DNAI4: variants seen among roughly 807,000 people sequenced by gnomAD.
DNAI4 encodes WD repeat domain 78.
In DNAI4, 85 loss-of-function variants were observed where a neutral mutation model predicts 105.8. The ratio of observed to expected loss-of-function variants is 0.80; its 90% CI spans 0.67 to 0.96. DNAI4 has a LOEUF of 0.96. Ranked by LOEUF, DNAI4 falls within the 40% of genes least tolerant of loss-of-function variation. The pLI is 0.00. For synonymous variants in DNAI4, 352 were observed against 331.5 expected, an observed-to-expected ratio of 1.06 and a Z score of -0.67; for missense variants, 1,014 against 1,005.6, an observed-to-expected ratio of 1.01 and a Z score of -0.11.
intron 16 of DNAI4, among the ~76,000 whole-genome samples, chr1:66,820,895 C>A (rs148954244): frequency 0.022 from 3,331 of 152,146 alleles, 53 homozygotes; most frequent in Middle Eastern, 0.034. Context: ...TCTAATCAAT[C>A]ATCTGATTTC....
At chr1:66,891,117 GGACT>G in intron 4 of DNAI4, 33 bp downstream of exon 4, 4 of 1,409,926 alleles carry the variant, frequency 2.8e-6, no homozygotes, top group Non-Finnish European at 4.0e-6. Flanking sequence ...ACTAAATAAC[GGACT>G]GTTACTGAAA....
At chr1:66,877,570 T>C (rs914026402) in intron 4 of DNAI4, among the ~76,000 whole-genome samples, 24 of 152,222 alleles carry the variant, frequency 1.6e-4, no homozygotes, top group Admixed American at 6.5e-5. Context: ...TCCCTATTGT[T>C]AATATTACTT....
intron 5 of DNAI4, 54 bp from the exon 6 acceptor site, chr1:66,871,563 T>C (rs1278300234): frequency 7.0e-7 from 1 of 1,435,336 alleles, no homozygotes; most frequent in Non-Finnish European, 9.3e-7. Flanking sequence ...ACCACACGTA[T>C]TATCTCTTTA....
intron 3 of DNAI4, among the ~76,000 whole-genome samples, chr1:66,893,003 A>AAGAAAGAAAGAG (rs1457709725): frequency 3.6e-5 from 4 of 111,922 alleles, no homozygotes; most frequent in African/African-American, 1.5e-4. Context: ...GAAAGAGAGA[A>AAGAAAGAAAGAG]AGAGAGAGAG....
chr1:66,879,598 A>T (rs1647025130), intron 4 of DNAI4, among the ~76,000 whole-genome samples: 1 of 152,202 alleles, frequency 6.6e-6, no homozygotes. Flanking sequence ...GTTTTATGCG[A>T]AATTGTCAAA....
chr1:66,874,827 G>C lies in DNAI4; in HGVS notation c.754C>G (p.Pro252Ala), dbSNP rs1646927309. ...ETETLRFFDL[P>A]TVMVSVESEE... ...GATTCTACAGAGACCATGACTGTGGGCAAGTCAAAAAATCTCAGTGTTTCT... is the reference window on the plus strand; with the variant it reads ...GATTCTACAGAGACCATGACTGTGGCCAAGTCAAAAAATCTCAGTGTTTCT... Residue 252 changes from proline (P) to alanine (A), a missense_variant, in exon 5 of 17, where the codon CCC (proline) becomes GCC (alanine). By Grantham distance (27) the Pro-to-Ala change is conservative. Coordinates refer to ENST00000371026, the MANE Select transcript of DNAI4 (RefSeq NM_024763.5). 6.2e-7 allele frequency: 1 copy of C among 1,613,468 alleles called. No homozygotes were observed. Among genetic ancestry groups the C allele is most frequent in the Non-Finnish European group, 8.5e-7 (1 of 1,179,752 alleles).
chr1:66,895,838 A>C (rs1177323163), intron 2 of DNAI4, among the ~76,000 whole-genome samples: 1 of 152,158 alleles, frequency 6.6e-6, no homozygotes, highest in Non-Finnish European at 1.5e-5. Context: ...TAATGTGGTA[A>C]ATTACACTAA....
chr1:66,821,943 T>C (rs1210498770), intron 16 of DNAI4, among the ~76,000 whole-genome samples: 3 of 152,140 alleles, frequency 2.0e-5, no homozygotes, highest in Non-Finnish European at 4.4e-5. Context: ...AATATGATAA[T>C]GCTAATCCAA....
intron 7 of DNAI4, among the ~76,000 whole-genome samples, chr1:66,851,845 T>C (rs1275934142): frequency 6.6e-6 from 1 of 151,664 alleles, no homozygotes; most frequent in Non-Finnish European, 1.5e-5. Context: ...GTCAAGTCAA[T>C]AATCTAAGTT....
chr1:66,819,072 T>C (rs1374821565), intron 16 of DNAI4, among the ~76,000 whole-genome samples: 3 of 152,198 alleles, frequency 2.0e-5, no homozygotes, highest in Admixed American at 6.5e-5. Context: ...GCTATTTTAA[T>C]TTCTATTACC....
intron 4 of DNAI4, among the ~76,000 whole-genome samples, chr1:66,886,832 G>A (rs1340520512): frequency 1.3e-5 from 2 of 151,976 alleles, no homozygotes; most frequent in South Asian, 2.1e-4. Flanking sequence ...TTCCTTAAAC[G>A]CTGTTATCTT....
intron 7 of DNAI4, among the ~76,000 whole-genome samples, chr1:66,856,740 G>A (rs1162472237): frequency 1.3e-5 from 2 of 151,876 alleles, no homozygotes; most frequent in Non-Finnish European, 2.9e-5. Context: ...TAACAAATAG[G>A]TCAAAGAAGA....
chr1:66,887,186 A>G (rs1647235052), intron 4 of DNAI4, among the ~76,000 whole-genome samples: 1 of 152,174 alleles, frequency 6.6e-6, no homozygotes, highest in Admixed American at 6.5e-5. Flanking sequence ...ATACTAGTAA[A>G]ATACTCAGCC....
At position 66,858,216 on chromosome 1, in the gene DNAI4, A is replaced by G. The variant is rs1350187997; in HGVS notation, c.1096+3931T>C. Among the ~76,000 whole-genome samples, 4 of 152,128 alleles carry G rather than the reference A, an allele frequency of 2.6e-5. No individual in the cohort carries two copies. In the East Asian group the frequency reaches 7.7e-4, roughly 29 times the overall value. On this transcript the variant is annotated intron_variant, in intron 7 of 16. Transcript: ENST00000371026. ...CATTATAAGAAAGGAAAATTACAGA[A>G]CAATATCTCACATGAAAGTAATGCA...
At chr1:66,867,747 C>A (rs1209547751) in intron 6 of DNAI4, among the ~76,000 whole-genome samples, 1 of 152,130 alleles carries the variant, frequency 6.6e-6, no homozygotes, top group Non-Finnish European at 1.5e-5. Flanking sequence ...ATGTCACCTA[C>A]AAATAATGAC....
At chr1:66,894,808 GT>G (rs1648173651) in intron 2 of DNAI4, among the ~76,000 whole-genome samples, 1 of 152,080 alleles carries the variant, frequency 6.6e-6, no homozygotes, top group South Asian at 2.1e-4. Context: ...AATATTATAT[GT>G]TTTATTAAGC....
chr1:66,893,047 GAA>G lies in DNAI4; in HGVS notation c.530+180_530+181del, dbSNP rs1295028510. On this transcript the variant is annotated intron_variant, in intron 3 of 16. Transcript: ENST00000371026. ...GAAAGAAAGAGAGGAAAGAAAGAAA[GAA>G]AGAAAGAGAGAGAGAGAAAGAAAGA... Among the ~76,000 whole-genome samples the G allele has an allele frequency of 2.5e-5, 3 of 118,018 alleles. 1 individual carries two copies. Among genetic ancestry groups the G allele is most frequent in the African/African-American group, 1.1e-4 (3 of 26,232 alleles). 77.4% of individuals were successfully genotyped at this position (118,018 alleles called of 152,430 possible).
intron 4 of DNAI4, among the ~76,000 whole-genome samples, chr1:66,882,524 C>CTCT (rs556122211): frequency 0.02 from 3,023 of 150,784 alleles, 41 homozygotes; most frequent in Non-Finnish European, 0.028. Flanking sequence ...CTCTCTCTCT[C>CTCT]TTTTTTTTTG....
rs1236715733 is a variant in DNAI4 at position 66,918,327 on chromosome 1, G to A, written c.170+6335C>T. On this transcript the variant is annotated intron_variant, in intron 1 of 16. Coordinates refer to ENST00000371026, the MANE Select transcript of DNAI4 (RefSeq NM_024763.5). ...TAGTCTTTCCTAATGTTTTCTCAAT[G>A]TTTATTATTTTCTACAGTTTGGACC... Among the ~76,000 whole-genome samples the A allele has an allele frequency of 2.6e-5, 4 of 152,294 alleles. No homozygotes were observed. The East Asian group carries it at 7.7e-4, about 29-fold the overall frequency.
Sources: gnomAD v4.1 joint callset for allele counts (sites outside exome capture counted in the v4.1 genomes callset) on GRCh38, gnomAD v4.1.1 for gene constraint, MANE v1.5 for transcripts, NCBI Gene and HGNC (gene_info 2026-07-23, HGNC 2026-07-21) for gene names.